TAF3: variants seen among roughly 807,000 people sequenced by gnomAD.
The protein encoded by TAF3 is TATA-box binding protein associated factor 3.
TAF3 carries 7 observed loss-of-function variants against 80.6 expected under a neutral mutation model. That is an observed-to-expected ratio of 0.09 (90% CI 0.05 to 0.16). The LOEUF (loss-of-function observed/expected upper bound fraction) is 0.16. TAF3 is among the 10% of genes least tolerant of loss of function. TAF3 has a pLI of 1.00. For synonymous variants in TAF3, 444 were observed against 446.1 expected (o/e 1.00, Z 0.06); for missense variants, 921 against 1,140.2 (o/e 0.81, Z 2.77).
chr10:7,977,285 C>G lies in TAF3; in HGVS notation c.2277C>G (p.Pro759=). ...PVALAPSPVI[P]RLTLRVGAGQ... ...CTCTGGCCCCGAGTCCAGTTATCCCCAGATTAACTCTCCGAGTCGGTGCTG... is the reference window on the plus strand; with the variant it reads ...CTCTGGCCCCGAGTCCAGTTATCCCGAGATTAACTCTCCGAGTCGGTGCTG... The change falls in exon 4 of 7, where the codon CCC becomes CCG. Residue 759 remains proline (P), a synonymous_variant. Transcript: ENST00000344293. 1 of 1,614,148 alleles carries G rather than the reference C, an allele frequency of 6.2e-7. No homozygotes were observed. Among genetic ancestry groups the G allele is most frequent in the Non-Finnish European group, 8.5e-7 (1 of 1,180,016 alleles).
Position 7,964,521 on chromosome 10 carries a change from T to C in TAF3, c.1011T>C (p.Pro337=), listed in dbSNP as rs374311387. ...ACATTCCCCAAACACCTGTGAGACC[T>C]GAAACGCCCAACAGGACTCCTTCAG... ...TTHIPQTPVR[P]ETPNRTPSAT... Residue 337 remains proline (P), a synonymous_variant, in exon 3 of 7, where the codon CCT becomes CCC. Coordinates refer to ENST00000344293, the MANE Select transcript of TAF3 (RefSeq NM_031923.4). This position sits in a 1 kb window ranked among gnomAD's most constrained non-coding sequence, Gnocchi z 4.1. 2 of 1,613,082 alleles carry C rather than the reference T, an allele frequency of 1.2e-6. No homozygotes were observed. The highest frequency in any genetic ancestry group is 1.7e-6 in the Non-Finnish European group (2 of 1,179,672).
chr10:7,914,273 C>T (rs1034143286), intron 2 of TAF3, among the ~76,000 whole-genome samples: 12 of 152,180 alleles, frequency 7.9e-5, no homozygotes, highest in Admixed American at 3.3e-4. Context: ...TTGTGTTAAA[C>T]GATGTCGGGG....
chr10:7,833,813 C>T (rs1836824618), intron 2 of TAF3: 1 of 475,412 alleles, frequency 2.1e-6, no homozygotes, highest in Non-Finnish European at 3.4e-6. Flanking sequence ...TGGCCAATTG[C>T]AGTTCTTCAG....
At chr10:7,869,447 A>G (rs143337482) in intron 2 of TAF3, among the ~76,000 whole-genome samples, 12 of 152,168 alleles carry the variant, frequency 7.9e-5, no homozygotes, top group African/African-American at 4.8e-5. Flanking sequence ...AGGTCTTTCC[A>G]TGTCTGTTAA....
chr10:7,997,241 C>T (rs1831898572), intron 4 of TAF3, among the ~76,000 whole-genome samples: 2 of 152,168 alleles, frequency 1.3e-5, no homozygotes, highest in African/African-American at 2.4e-5. Context: ...TAATAATGGC[C>T]GTTCACTTTT....
intron 4 of TAF3, among the ~76,000 whole-genome samples, chr10:7,978,615 A>G (rs1010291407): frequency 6.6e-6 from 1 of 152,304 alleles, no homozygotes; most frequent in East Asian, 1.9e-4. Flanking sequence ...CCCCTATCTT[A>G]CCTACAGAAG....
Position 7,991,113 on chromosome 10 carries a change from C to T in TAF3, c.2315+13790C>T, listed in dbSNP as rs574064782. ...CTGAAGTCAGTGTAATAATTTCAGT[C>T]GTCTCGTCTTGCCTCAGAGAAAATT... On this transcript the variant is annotated intron_variant, in intron 4 of 6. Coordinates refer to ENST00000344293, the MANE Select transcript of TAF3 (RefSeq NM_031923.4). Among the ~76,000 whole-genome samples the T allele has an allele frequency of 1.1e-3, 160 of 152,144 alleles. 1 individual carries two copies. Among genetic ancestry groups the T allele is most frequent in the African/African-American group, 3.2e-3 (131 of 41,478 alleles).
At chr10:7,945,305 G>A (rs1363773967) in intron 2 of TAF3, among the ~76,000 whole-genome samples, 1 of 152,046 alleles carries the variant, frequency 6.6e-6, no homozygotes, top group Non-Finnish European at 1.5e-5. Context: ...ATTTCCTATT[G>A]GGTGTGGTTG....
chr10:7,928,916 A>G (rs962500300), intron 2 of TAF3, among the ~76,000 whole-genome samples: 2 of 152,252 alleles, frequency 1.3e-5, no homozygotes, highest in African/African-American at 4.8e-5. Context: ...TGCTTATGTC[A>G]AAATTTTCAT....
chr10:7,852,377 G>T (rs1837036920), intron 2 of TAF3, among the ~76,000 whole-genome samples: 1 of 152,182 alleles, frequency 6.6e-6, no homozygotes, highest in African/African-American at 2.4e-5. Flanking sequence ...TCCACACGTT[G>T]TGACTGGTTG....
intron 4 of TAF3, among the ~76,000 whole-genome samples, chr10:8,006,204 ACACACAC>A (rs1831991135): frequency 6.6e-6 from 1 of 151,214 alleles, no homozygotes; most frequent in Non-Finnish European, 1.5e-5. Context: ...ACACACACAC[ACACACAC>A]ACACACACAC....
chr10:8,002,613 A>G (rs1299053519), intron 4 of TAF3, among the ~76,000 whole-genome samples: 3 of 152,222 alleles, frequency 2.0e-5, no homozygotes, highest in Non-Finnish European at 4.4e-5. Context: ...AAATTGGGTC[A>G]GTTTCTTTCA....
Position 8,013,410 on chromosome 10 carries a change from GT to G in TAF3, c.2569-310del, listed in dbSNP as rs569497947. ...ATCATTAAGAATTTACATAGTTATAGTTTTTTTTTTTATGAAAGGGGTTACA... is the reference window on the plus strand; with the variant it reads ...ATCATTAAGAATTTACATAGTTATAGTTTTTTTTTTATGAAAGGGGTTACA... On this transcript the variant is annotated intron_variant, in intron 5 of 6. Transcript: ENST00000344293. 1.2e-3 allele frequency among the ~76,000 whole-genome samples: 183 copies of G among 146,780 alleles called. 1 individual carries two copies. Among genetic ancestry groups the G allele is most frequent in the Middle Eastern group, 3.5e-3 (1 of 286 alleles).
At position 7,957,471 on chromosome 10, in the gene TAF3, T is replaced by C. The variant is rs1001708722; in HGVS notation, c.410-6449T>C. ...AAGGCATATCTCTATTATTGATGGG[T>C]ATTATTATTTAGCAGTTTGAATACT... On this transcript the variant is annotated intron_variant, in intron 2 of 6. Coordinates refer to ENST00000344293, the MANE Select transcript of TAF3 (RefSeq NM_031923.4). Among the ~76,000 whole-genome samples, 10 of 152,182 alleles carry C rather than the reference T, an allele frequency of 6.6e-5. 1 individual carries two copies. Among genetic ancestry groups the C allele is most frequent in the African/African-American group, 2.2e-4 (9 of 41,452 alleles).
In TAF3 at chr10:7,965,820, A is replaced by G. The variant is rs1381563649; in HGVS notation, c.2232+78A>G. ...ACAGGTAAACAAAGCCCACAATTAT[A>G]TCTGTATTCTGGGTGTAAATCACCC... On this transcript the variant is annotated intron_variant, in intron 3 of 6. Transcript: ENST00000344293. 3 of 1,411,290 alleles carry G rather than the reference A, an allele frequency of 2.1e-6. No individual in the cohort carries two copies. In the African/African-American group the frequency reaches 4.4e-5, roughly 21 times the overall value. The allele number at this position is 1,411,290 out of a possible 1,614,324, so 87.4% of individuals were successfully genotyped here. A position where few individuals can be genotyped will look rare whatever the true frequency, so the allele number is the denominator to read the frequency against.
At chr10:7,936,431 A>G (rs1362754300) in intron 2 of TAF3, among the ~76,000 whole-genome samples, 1 of 152,088 alleles carries the variant, frequency 6.6e-6, no homozygotes, top group African/African-American at 2.4e-5. Context: ...AAATTCTTTT[A>G]GAGTTAAGAA....
At chr10:7,899,522 C>G (rs1181330941) in intron 2 of TAF3, among the ~76,000 whole-genome samples, 1 of 152,186 alleles carries the variant, frequency 6.6e-6, no homozygotes, top group African/African-American at 2.4e-5. Context: ...GCCATTCACC[C>G]CTTCTCCATC....
chr10:8,013,954 A>T, intron 6 of TAF3, 117 bp downstream of exon 6: 1 of 812,800 alleles, frequency 1.2e-6, no homozygotes, highest in South Asian at 1.5e-5. Flanking sequence ...TGTCCTAGGG[A>T]CAGTACATGG....
At chr10:7,972,518 G>A (rs1345666432) in intron 3 of TAF3, among the ~76,000 whole-genome samples, 1 of 152,274 alleles carries the variant, frequency 6.6e-6, no homozygotes, top group Admixed American at 6.5e-5. Context: ...AGGCATCTGT[G>A]TTTAGATGAT....
Sources: gnomAD v4.1 joint callset for allele counts (sites outside exome capture counted in the v4.1 genomes callset) on GRCh38, gnomAD v4.1.1 for gene constraint, Gnocchi (gnomAD v3.1) non-coding constraint, MANE v1.5 for transcripts, NCBI Gene and HGNC (gene_info 2026-07-23, HGNC 2026-07-21) for gene names.